Variants in MSI2 observed in about 807,000 individuals in gnomAD.
MSI2 encodes musashi RNA binding protein 2.
In MSI2, 17 loss-of-function variants were observed where a neutral mutation model predicts 45.6. That is an observed-to-expected ratio of 0.37 (90% confidence interval 0.26 to 0.56). The LOEUF (loss-of-function observed/expected upper bound fraction) is 0.56. Among genes scored for constraint, MSI2 ranks in the 20% least tolerant of loss-of-function variants. The pLI, the probability that MSI2 is intolerant of heterozygous loss-of-function variation, is 0.77. For missense variants in MSI2, 293 were observed against 444.2 expected, an observed-to-expected ratio of 0.66 and a Z score of 3.06; for synonymous variants, 156 against 158.2, an observed-to-expected ratio of 0.99 and a Z score of 0.11.
chr17:57,550,534 A>C (rs997971837), intron 7 of MSI2, among the ~76,000 whole-genome samples: 1 of 152,144 alleles, frequency 6.6e-6, no homozygotes, highest in Non-Finnish European at 1.5e-5. Flanking sequence ...AAAGAACACG[A>C]TGTCTCTTTT....
At chr17:57,695,625 CTG>C in the MSI2 span, among the ~76,000 whole-genome samples, 2 of 152,072 alleles carry the variant, frequency 1.3e-5, no homozygotes, top group Non-Finnish European at 2.9e-5. Flanking sequence ...GCAGAGCTCT[CTG>C]TGAACAGAGA....
At chr17:57,423,253 T>C (rs2084429983) in intron 6 of MSI2, among the ~76,000 whole-genome samples, 1 of 152,190 alleles carries the variant, frequency 6.6e-6, no homozygotes, top group South Asian at 2.1e-4. Context: ...AACCCAGCAG[T>C]TTATTAAAGA....
At chr17:57,572,007 G>A (rs1381476179) in intron 7 of MSI2, among the ~76,000 whole-genome samples, 1 of 152,134 alleles carries the variant, frequency 6.6e-6, no homozygotes, top group Non-Finnish European at 1.5e-5. Flanking sequence ...CCAACTAATT[G>A]TTCATCTGTG....
At chr17:57,344,793 G>C (rs1915458434) in intron 5 of MSI2, among the ~76,000 whole-genome samples, 1 of 152,194 alleles carries the variant, frequency 6.6e-6, no homozygotes, top group Non-Finnish European at 1.5e-5. Context: ...TAGAGCCAGA[G>C]TGGCTTGCCC....
intron 6 of MSI2, among the ~76,000 whole-genome samples, chr17:57,519,838 C>T (rs904076222): frequency 2.6e-5 from 4 of 152,010 alleles, no homozygotes; most frequent in African/African-American, 9.7e-5. Context: ...ATTTACTTAC[C>T]TGTGTGATCC....
At chr17:57,494,124 T>A (rs1397836420) in intron 6 of MSI2, among the ~76,000 whole-genome samples, 1 of 152,184 alleles carries the variant, frequency 6.6e-6, no homozygotes. Flanking sequence ...ATACCCCTTT[T>A]CACAGGTAAG....
intron 5 of MSI2, among the ~76,000 whole-genome samples, chr17:57,376,099 C>T (rs561723570): frequency 9.9e-5 from 15 of 152,184 alleles, no homozygotes; most frequent in Non-Finnish European, 1.6e-4. Flanking sequence ...TCCCCTCAGG[C>T]CCTGTTACAG....
chr17:57,514,650 CTTT>C (rs11318524), intron 6 of MSI2, among the ~76,000 whole-genome samples: 11 of 135,302 alleles, frequency 8.1e-5, no homozygotes, highest in South Asian at 4.6e-4. Flanking sequence ...TGAATTGATA[CTTT>C]TTTTTTTTTT....
At chr17:57,261,454 C>T (rs933813694) in intron 4 of MSI2, among the ~76,000 whole-genome samples, 1 of 151,744 alleles carries the variant, frequency 6.6e-6, no homozygotes, top group Non-Finnish European at 1.5e-5. Flanking sequence ...TTTTAAAATC[C>T]AGGTGGATTT....
intron 6 of MSI2, among the ~76,000 whole-genome samples, chr17:57,503,400 T>G (rs2086158676): frequency 2.6e-5 from 4 of 152,240 alleles, no homozygotes; most frequent in African/African-American, 7.2e-5. Context: ...AACACTGAAG[T>G]GTTAACAGTG....
At chr17:57,464,739 T>C (rs1440979059) in intron 6 of MSI2, among the ~76,000 whole-genome samples, 1 of 152,232 alleles carries the variant, frequency 6.6e-6, no homozygotes, top group Non-Finnish European at 1.5e-5. Context: ...ACTCTGTTCC[T>C]GTCCCTTCCT....
chr17:57,692,378 T>C, the MSI2 span, among the ~76,000 whole-genome samples: 1 of 152,194 alleles, frequency 6.6e-6, no homozygotes, highest in South Asian at 2.1e-4. Flanking sequence ...TTCTATTTTT[T>C]AAAAAAGTTT....
intron 7 of MSI2, among the ~76,000 whole-genome samples, chr17:57,543,214 T>A (rs2087090319): frequency 6.6e-6 from 1 of 152,146 alleles, no homozygotes; most frequent in Non-Finnish European, 1.5e-5. Flanking sequence ...TGGGAACACT[T>A]TTTCCAGCAC....
At chr17:57,644,540 G>A (rs1042557349) in intron 10 of MSI2, among the ~76,000 whole-genome samples, 4 of 152,100 alleles carry the variant, frequency 2.6e-5, no homozygotes, top group South Asian at 2.1e-4. Flanking sequence ...GACAGATGGC[G>A]GTGTTTCCAA....
chr17:57,632,280 T>TA (rs1207107275), intron 10 of MSI2: 1 of 1,079,402 alleles, frequency 9.3e-7, no homozygotes, highest in Admixed American at 5.2e-5. Flanking sequence ...ACCCGTGTCT[T>TA]ACGATGGACA....
intron 7 of MSI2, among the ~76,000 whole-genome samples, chr17:57,590,544 T>C (rs1256157293): frequency 6.6e-6 from 1 of 152,254 alleles, no homozygotes; most frequent in East Asian, 1.9e-4. Flanking sequence ...GCTTACTTGT[T>C]AGTTTCTAAT....
chr17:57,553,216 C>T (rs148938276), intron 7 of MSI2, among the ~76,000 whole-genome samples: 3 of 152,180 alleles, frequency 2.0e-5, no homozygotes, highest in African/African-American at 4.8e-5. Context: ...GAACTAGGCT[C>T]ATGGGCACAG....
Position 57,348,728 on chromosome 17 carries a change from C to T in MSI2, c.313-52651C>T, listed in dbSNP as rs200519820. Among the ~76,000 whole-genome samples, 4 of 152,286 alleles carry T rather than the reference C, an allele frequency of 2.6e-5. No homozygotes were observed. The East Asian group carries it at 7.7e-4, about 29-fold the overall frequency. On this transcript the variant is annotated intron_variant, in intron 5 of 13. Coordinates refer to ENST00000284073, the MANE Select transcript of MSI2 (RefSeq NM_138962.4). ...AACCGCGAGCCAAAAAACTTCCTTT[C>T]TTTATAAATTACCCAGCCTCAGGTA...
intron 4 of MSI2, among the ~76,000 whole-genome samples, chr17:57,259,788 G>T (rs921468150): frequency 4.6e-5 from 7 of 152,134 alleles, no homozygotes; most frequent in Non-Finnish European, 1.0e-4. Context: ...GCAAATTTGG[G>T]AATTTATCAT....
Sources: allele counts gnomAD v4.1 joint callset (sites outside exome capture counted in the v4.1 genomes callset), GRCh38; gene constraint gnomAD v4.1.1; transcripts MANE v1.5; gene names NCBI Gene and HGNC (gene_info 2026-07-23, HGNC 2026-07-21).